RESF1: variants seen among roughly 807,000 people sequenced by gnomAD.
RESF1 encodes the protein retroelement silencing factor 1, also known as gonad expressed transcript.
In RESF1, 65 loss-of-function variants were observed where a neutral mutation model predicts 134.7. The ratio of observed to expected loss-of-function variants is 0.48; its 90% CI spans 0.40 to 0.59. RESF1 has a LOEUF of 0.59. Among genes scored for constraint, RESF1 ranks in the 20% least tolerant of loss-of-function variants. RESF1 has a pLI of 0.00. For missense variants in RESF1, 2,274 were observed against 2,002.7 expected (o/e 1.14, Z -2.59); for synonymous variants, 762 against 702.2 (o/e 1.09, Z -1.35).
intron 5 of RESF1, among the ~76,000 whole-genome samples, chr12:31,988,079 A>C (rs541821007): frequency 6.6e-6 from 1 of 152,298 alleles, no homozygotes; most frequent in Admixed American, 6.5e-5. Flanking sequence ...GGCTGGACTT[A>C]GTTTGCCAGA....
rs1190328959 is a variant in RESF1 at position 31,983,703 on chromosome 12, T to A, written c.2748T>A (p.Leu916=). The A allele has an allele frequency of 6.2e-7, 1 of 1,613,852 alleles. No homozygotes were observed. Among genetic ancestry groups the A allele is most frequent in the Non-Finnish European group, 8.5e-7 (1 of 1,180,016 alleles). ...AAATAGCAAAGATATTCAGCTCTCT[T>A]CCCTTGAAAATGGTTGAGCCACAGA... is the stretch of plus-strand genomic sequence containing the variant. The part of the protein sequence containing the change: ...NSQIAKIFSS[L]PLKMVEPQKP... The change falls in exon 4 of 6, where the codon CTT becomes CTA. Residue 916 remains leucine, a synonymous_variant. Transcript: ENST00000312561.
intron 4 of RESF1, among the ~76,000 whole-genome samples, chr12:31,986,334 G>C (rs1174974442): frequency 1.3e-5 from 2 of 152,098 alleles, no homozygotes; most frequent in Non-Finnish European, 2.9e-5. Flanking sequence ...TTCTCCTTTG[G>C]ACTTGTAATT....
rs762540429 is a variant in RESF1, at chr12:31,981,681, G to C, written c.726G>C (p.Leu242Phe). Residue 242 changes from leucine (L) to phenylalanine (F), a missense_variant, in exon 4 of 6, where the codon TTG becomes TTC. Leu to Phe is a conservative substitution (Grantham distance 22). Transcript: ENST00000312561. Reference protein sequence around the residue: ...QKQNFIPHTSLQVKNSQLLNS... With the variant: ...QKQNFIPHTSFQVKNSQLLNS... ...AAAACTTTATACCACATACATCATT[G>C]CAAGTTAAAAATAGTCAGCTTCTAA... The C allele has an allele frequency of 6.2e-6, 10 of 1,613,692 alleles. No homozygotes were observed. The South Asian group carries it at 1.1e-4, about 18-fold the overall frequency.
Position 31,980,934 on chromosome 12 carries a change from C to G in RESF1, c.-22C>G. 6.5e-7 allele frequency: 1 copy of G among 1,548,874 alleles called. No homozygotes were observed. Among genetic ancestry groups the G allele is most frequent in the African/African-American group, 1.4e-5 (1 of 73,152 alleles). The stretch of plus-strand genomic sequence containing the variant: ...TGACTTATAACTGACTTGTAATACA[C>G]TGCTACTATATCAAACCGACAATGA... On this transcript the variant is annotated 5_prime_UTR_variant, in exon 4 of 6. Coordinates refer to ENST00000312561, the MANE Select transcript of RESF1 (RefSeq NM_018169.4).
chr12:31,963,369 C>T (rs749142892), intron 2 of RESF1, among the ~76,000 whole-genome samples: 7 of 151,556 alleles, frequency 4.6e-5, no homozygotes, highest in African/African-American at 1.7e-4. Context: ...GTTCATGGAG[C>T]ACAACCTTTG....
At chr12:31,987,200 T>G (rs1361450639) in intron 4 of RESF1, 39 bp from the exon 5 acceptor site, 2 of 1,125,104 alleles carry the variant, frequency 1.8e-6, no homozygotes, top group South Asian at 2.5e-5. Context: ...AGGAGATGAT[T>G]AGCAATATCT....
Position 31,981,749 on chromosome 12 carries a change from C to T in RESF1, c.794C>T (p.Pro265Leu), listed in dbSNP as rs1282588666. The change falls in exon 4 of 6, where the codon CCA becomes CTA. Residue 265 changes from proline (P) to leucine (L), a missense_variant. By Grantham distance (98) the Pro-to-Leu change is moderately conservative. Coordinates refer to ENST00000312561, the MANE Select transcript of RESF1 (RefSeq NM_018169.4). ...TLPSRQTSAV[P>L]SQQYATQTDK... is the part of the protein sequence containing the mutation. ...CCATCAAGGCAGACCTCAGCTGTAC[C>T]ATCACAGCAGTATGCCACGCAAACT... 1 of 1,613,602 alleles carries T rather than the reference C, an allele frequency of 6.2e-7. No homozygotes were observed. The highest frequency in any genetic ancestry group is 1.3e-5 in the African/African-American group (1 of 74,908).
chr12:31,986,038 G>A, intron 4 of RESF1, 81 bp downstream of exon 4: 1 of 856,822 alleles, frequency 1.2e-6, no homozygotes, highest in Non-Finnish European at 1.5e-6. Flanking sequence ...CTCTCATGCT[G>A]TCTTGGGCTG....
intron 3 of RESF1, among the ~76,000 whole-genome samples, chr12:31,974,840 A>G (rs913889780): frequency 6.6e-6 from 1 of 151,900 alleles, no homozygotes; most frequent in African/African-American, 2.4e-5. Context: ...TTCTGCTTCC[A>G]ACCTTGTGGA....
chr12:31,979,851 C>G (rs573402950), intron 3 of RESF1, among the ~76,000 whole-genome samples: 202 of 150,620 alleles, frequency 1.3e-3, no homozygotes, highest in African/African-American at 4.5e-3. Context: ...GCCACCACAC[C>G]CAGCCAAGAC....
intron 5 of RESF1, among the ~76,000 whole-genome samples, chr12:31,991,716 A>G (rs572233537): frequency 8.1e-4 from 123 of 152,096 alleles, no homozygotes; most frequent in African/African-American, 2.9e-3. Context: ...CTGCCCAGCT[A>G]ATTTTTGTAT....
intron 5 of RESF1, among the ~76,000 whole-genome samples, chr12:31,988,233 C>T (rs1299599439): frequency 1.3e-5 from 2 of 152,100 alleles, no homozygotes; most frequent in Non-Finnish European, 2.9e-5. Flanking sequence ...AATCTGGTCC[C>T]CTCTTTTCAA....
chr12:31,969,257 G>A (rs1282789570), intron 2 of RESF1, among the ~76,000 whole-genome samples: 2 of 152,140 alleles, frequency 1.3e-5, no homozygotes, highest in African/African-American at 4.8e-5. Flanking sequence ...TAACCCCTGT[G>A]TATAAAACAA....
chr12:31,972,831 T>G (rs1232567615), intron 3 of RESF1, among the ~76,000 whole-genome samples: 1 of 152,220 alleles, frequency 6.6e-6, no homozygotes, highest in Non-Finnish European at 1.5e-5. Flanking sequence ...CAGAATTGTT[T>G]ATATAAAAAT....
chr12:31,991,952 G>A (rs1300839391), intron 5 of RESF1, among the ~76,000 whole-genome samples: 2 of 152,192 alleles, frequency 1.3e-5, no homozygotes, highest in Non-Finnish European at 2.9e-5. Flanking sequence ...ACATGTTTTA[G>A]AATATCCAAT....
Position 31,984,432 on chromosome 12 carries a change from T to C in RESF1, c.3477T>C (p.Asp1159=). The C allele has an allele frequency of 1.2e-6, 2 of 1,614,186 alleles. No homozygotes were observed. Among genetic ancestry groups the C allele is most frequent in the Middle Eastern group, 1.7e-4 (1 of 6,058 alleles). The stretch of plus-strand genomic sequence containing the variant: ...CACCTGCAGCTGGACAAAGTCGTGA[T>C]TCTGTGATACTGGACTCTGAGAAAG... ...LQAPAAGQSR[D]SVILDSEKDD... The change falls in exon 4 of 6, where the codon GAT becomes GAC. Residue 1159 remains aspartate, a synonymous_variant. Coordinates refer to ENST00000312561, the MANE Select transcript of RESF1 (RefSeq NM_018169.4).
chr12:31,991,630 T>C lies in RESF1; in HGVS notation c.5087-748T>C, dbSNP rs569974862. Among the ~76,000 whole-genome samples the C allele has an allele frequency of 6.4e-4, 98 of 152,266 alleles. 1 individual carries two copies. The highest frequency in any genetic ancestry group is 2.2e-3 in the African/African-American group (93 of 41,570). ...CAGCAATTCTGTTTGTTTGTTTGTT[T>C]GTTTGTTTTTTGAGACAGTCTCGCT... On this transcript the variant is annotated intron_variant, in intron 5 of 5. Transcript: ENST00000312561.
chr12:31,977,751 C>G (rs1939668514), intron 3 of RESF1, among the ~76,000 whole-genome samples: 1 of 149,392 alleles, frequency 6.7e-6, no homozygotes, highest in African/African-American at 2.4e-5. Flanking sequence ...CCCAAAAAAT[C>G]AAAAAATCCA....
intron 2 of RESF1, among the ~76,000 whole-genome samples, chr12:31,961,943 C>T (rs1939278737): frequency 6.6e-6 from 1 of 152,180 alleles, no homozygotes; most frequent in African/African-American, 2.4e-5. Flanking sequence ...TATTTGTAGG[C>T]CAGGTGTGGT....
Sources: gnomAD v4.1 joint callset for allele counts (sites outside exome capture counted in the v4.1 genomes callset) on GRCh38, gnomAD v4.1.1 for gene constraint, MANE v1.5 for transcripts, NCBI Gene and HGNC (gene_info 2026-07-23, HGNC 2026-07-21) for gene names.